The following TTF2 variants were observed in gnomAD, a reference collection of about 807,000 sequenced individuals.
TTF2 encodes transcription termination factor 2.
In TTF2, 108 loss-of-function variants were observed where a neutral mutation model predicts 142.4. The observed-to-expected ratio is 0.76, with a 90% CI of 0.65 to 0.89. The LOEUF (loss-of-function observed/expected upper bound fraction) is 0.89, where lower values mean the gene tolerates loss of function less well. Ranked by LOEUF, TTF2 falls within the 40% of genes least tolerant of loss-of-function variation. TTF2 has a pLI of 0.00. For synonymous variants in TTF2, 483 were observed against 506.2 expected (o/e 0.95, Z 0.61); for missense variants, 1,327 against 1,379.8 (o/e 0.96, Z 0.61).
chr1:117,061,163 G>A (rs1170508833), intron 2 of TTF2, among the ~76,000 whole-genome samples: 4 of 152,222 alleles, frequency 2.6e-5, no homozygotes, highest in Non-Finnish European at 5.9e-5. Context: ...GCGAAGGCGA[G>A]CGAATCGCTT....
In TTF2 at chr1:117,105,548, C is replaced by T. The variant is rs1649876671; in HGVS notation, c.*4024C>T. On this transcript the variant is annotated 3_prime_UTR_variant, in exon 23 of 23. Transcript: ENST00000369466. The surrounding 1 kb of genome is among the most constrained non-coding windows in gnomAD (Gnocchi z 4.7). The stretch of plus-strand genomic sequence containing the variant: ...ACTGGCCAACATGGCAAAACCTCCT[C>T]TCTACTAAAAATACAAAAGTTAGCC... 6.6e-6 allele frequency: 1 copy of T among 152,184 alleles called. No individual in the cohort carries two copies. Among genetic ancestry groups the T allele is most frequent in the Admixed American group, 6.6e-5 (1 of 15,264 alleles). 9.4% of individuals were successfully genotyped at this position (152,184 alleles called of 1,614,324 possible).
intron 3 of TTF2, among the ~76,000 whole-genome samples, chr1:117,067,841 A>G (rs533617876): frequency 6.6e-6 from 1 of 152,362 alleles, no homozygotes; most frequent in African/African-American, 2.4e-5. Flanking sequence ...GTTTGGCTGA[A>G]TGTAGTCAGG....
chr1:117,096,346 A>G, intron 20 of TTF2, 47 bp downstream of exon 20: 1 of 1,579,468 alleles, frequency 6.3e-7, no homozygotes, highest in Non-Finnish European at 8.6e-7. Context: ...GTTCTGAGTT[A>G]TACAAAGAGA....
chr1:117,072,712 C>T (rs1026237562), intron 3 of TTF2, among the ~76,000 whole-genome samples: 10 of 152,018 alleles, frequency 6.6e-5, no homozygotes, highest in South Asian at 4.1e-4. Flanking sequence ...TGTGAGCCAC[C>T]GCACCCGGCC....
At chr1:117,096,480 C>T (rs775112757) in intron 20 of TTF2, among the ~76,000 whole-genome samples, 181 bp downstream of exon 20, 8 of 152,188 alleles carry the variant, frequency 5.3e-5, no homozygotes, top group South Asian at 2.1e-4. Flanking sequence ...CGGGTTCAAG[C>T]GATTCTCCTG....
At position 117,070,522 on chromosome 1, in the gene TTF2, C is replaced by T. The variant is rs1656493166; in HGVS notation, c.219-3139C>T. Among the ~76,000 whole-genome samples, 1 of 152,166 alleles carries T rather than the reference C, an allele frequency of 6.6e-6. No homozygotes were observed. Among genetic ancestry groups the T allele is most frequent in the African/African-American group, 2.4e-5 (1 of 41,432 alleles). On this transcript the variant is annotated intron_variant, in intron 3 of 22. Coordinates refer to ENST00000369466, the MANE Select transcript of TTF2 (RefSeq NM_003594.4). The surrounding 1 kb of genome is among the most constrained non-coding windows in gnomAD (Gnocchi z 4.2). ...TGTTGACTGAAACATCATCATGCAG[C>T]ACGGGACTGTACTTATGAAATATTC...
chr1:117,092,702 G>T lies in TTF2; in HGVS notation c.2806-29G>T. On this transcript the variant is annotated intron_variant, in intron 17 of 22. Transcript: ENST00000369466. The surrounding 1 kb of genome is among the most constrained non-coding windows in gnomAD (Gnocchi z 4.4). ...ACAAGGTTTGCTCCCTTGACTCCCA[G>T]CTGCTCCTGTCCTTTTTTGTCTGTT... 1 of 1,601,146 alleles carries T rather than the reference G, an allele frequency of 6.2e-7. No homozygotes were observed. The highest frequency in any genetic ancestry group is 8.5e-7 in the Non-Finnish European group (1 of 1,172,894).
In TTF2 at chr1:117,060,341, A is replaced by G. The variant is rs1340179366; in HGVS notation, c.-6A>G. 1 of 1,595,716 alleles carries G rather than the reference A, an allele frequency of 6.3e-7. No homozygotes were observed. The highest frequency in any genetic ancestry group is 8.5e-7 in the Non-Finnish European group (1 of 1,171,270). On this transcript the variant is annotated 5_prime_UTR_variant, in exon 1 of 23. Transcript: ENST00000369466. ...GGGCTTTGTGGAACTTGGGGGACCCAGCGAAATGGAAGAAGTTAGGTGTCC... is the reference window on the plus strand; with the variant it reads ...GGGCTTTGTGGAACTTGGGGGACCCGGCGAAATGGAAGAAGTTAGGTGTCC...
Position 117,079,954 on chromosome 1 carries a change from A to G in TTF2, c.1783+305A>G, listed in dbSNP as rs1647347889. 6.6e-6 allele frequency among the ~76,000 whole-genome samples: 1 copy of G among 151,492 alleles called. No homozygotes were observed. The highest frequency in any genetic ancestry group is 2.4e-5 in the African/African-American group (1 of 41,186). ...ATACGGAGTGCCAGGCTCGAGGCCA[A>G]TTTCAGGAGCCATGGCTAGAGCCAA... is the stretch of plus-strand genomic sequence containing the variant. On this transcript the variant is annotated intron_variant, in intron 9 of 22. Transcript: ENST00000369466. This position sits in a 1 kb window ranked among gnomAD's most constrained non-coding sequence, Gnocchi z 4.2.
Position 117,092,866 on chromosome 1 carries a change from A to T in TTF2, c.2941A>T (p.Met981Leu). Residue 981 changes from methionine to leucine, a missense_variant, in exon 18 of 23, where the codon ATG becomes TTG. By Grantham distance (15) the Met-to-Leu change is conservative. Coordinates refer to ENST00000369466, the MANE Select transcript of TTF2 (RefSeq NM_003594.4). This position sits in a 1 kb window ranked among gnomAD's most constrained non-coding sequence, Gnocchi z 4.4. ...TTCCCTTAACGGCACCTTCTTCAAG[A>T]TGGAGCTTTTTGAAGGCATGCGAGA... ...TVSLNGTFFK[M>L]ELFEGMREST... 6.2e-7 allele frequency: 1 copy of T among 1,614,144 alleles called. No individual in the cohort carries two copies. The highest frequency in any genetic ancestry group is 8.5e-7 in the Non-Finnish European group (1 of 1,180,030).
In TTF2 at chr1:117,102,681, ATT is replaced by A. The variant is rs1458279636; in HGVS notation, c.*1158_*1159del. On this transcript the variant is annotated 3_prime_UTR_variant, in exon 23 of 23. Coordinates refer to ENST00000369466, the MANE Select transcript of TTF2 (RefSeq NM_003594.4). The stretch of plus-strand genomic sequence containing the variant: ...TGCAGTATTTGTAGCATTTAGTATC[ATT>A]GTTTCATTTAGTATTTGGTACAATC... 1.3e-5 allele frequency: 2 copies of A among 152,092 alleles called. No homozygotes were observed. Among genetic ancestry groups the A allele is most frequent in the African/African-American group, 4.8e-5 (2 of 41,398 alleles). 9.4% of individuals were successfully genotyped at this position (152,092 alleles called of 1,614,324 possible). A position where few individuals can be genotyped will look rare whatever the true frequency, so the allele number is the denominator to read the frequency against.
At chr1:117,074,709 A>G (rs1656847290) in intron 4 of TTF2, among the ~76,000 whole-genome samples, 161 bp from the exon 5 acceptor site, 1 of 151,160 alleles carries the variant, frequency 6.6e-6, no homozygotes, top group Admixed American at 6.6e-5. Flanking sequence ...GAAACTATCT[A>G]TTGGGCACTA....
chr1:117,097,475 A>G lies in TTF2; in HGVS notation c.3269+42A>G, dbSNP rs1357420055. ...TGTCCTGGGTTGTCACAGCACATCAAGGAGGCCAGTGGGCTACAGGGGCAG... is the reference window on the plus strand; with the variant it reads ...TGTCCTGGGTTGTCACAGCACATCAGGGAGGCCAGTGGGCTACAGGGGCAG... On this transcript the variant is annotated intron_variant, in intron 21 of 22. Transcript: ENST00000369466. This position sits in a 1 kb window ranked among gnomAD's most constrained non-coding sequence, Gnocchi z 4.1. 1.3e-6 allele frequency: 2 copies of G among 1,589,922 alleles called. No individual in the cohort carries two copies. The highest frequency in any genetic ancestry group is 1.3e-5 in the African/African-American group (1 of 74,394).
chr1:117,093,076 A>C lies in TTF2; in HGVS notation c.2976+175A>C, dbSNP rs560641122. Among the ~76,000 whole-genome samples, 1 of 152,212 alleles carries C rather than the reference A, an allele frequency of 6.6e-6. No homozygotes were observed. Among genetic ancestry groups the C allele is most frequent in the East Asian group, 1.9e-4 (1 of 5,196 alleles). ...TCTTAAAGCTTCATTTATTTCACAG[A>C]TAACACTAAAGCCTTACTACATAGG... On this transcript the variant is annotated intron_variant, in intron 18 of 22. Transcript: ENST00000369466. This position sits in a 1 kb window ranked among gnomAD's most constrained non-coding sequence, Gnocchi z 4.5.
chr1:117,060,749 T>A (rs1360290711), intron 2 of TTF2, among the ~76,000 whole-genome samples, 192 bp downstream of exon 2: 1 of 152,220 alleles, frequency 6.6e-6, no homozygotes, highest in African/African-American at 2.4e-5. Flanking sequence ...TAATTCTGGC[T>A]GTGTGACCCG....
chr1:117,097,319 G>A lies in TTF2; in HGVS notation c.3187-32G>A, dbSNP rs778078110. On this transcript the variant is annotated intron_variant, in intron 20 of 22. Transcript: ENST00000369466. This position sits in a 1 kb window ranked among gnomAD's most constrained non-coding sequence, Gnocchi z 4.1. ...CGAGATGTGTTACGAGACCAAGTCT[G>A]TTTAAAGTTAATGTTGTGTTTCCTT... The A allele has an allele frequency of 6.2e-7, 1 of 1,605,834 alleles. No individual in the cohort carries two copies.
rs1030052278 is a variant in TTF2, at chr1:117,060,625, C to G, written c.131+68C>G. On this transcript the variant is annotated intron_variant, in intron 2 of 22. Transcript: ENST00000369466. The stretch of plus-strand genomic sequence containing the variant: ...CCTCCCGAGAGGAGCTTCCCGCTCC[C>G]CGCTGTCGGGCGTCACAGGGCCGAG... 27 of 1,483,754 alleles carry G rather than the reference C, an allele frequency of 1.8e-5. No homozygotes were observed. The African/African-American group carries it at 3.4e-4, about 18-fold the overall frequency. The allele number at this position is 1,483,754 out of a possible 1,614,324, so 91.9% of individuals were successfully genotyped here. A position where few individuals can be genotyped will look rare whatever the true frequency, so the allele number is the denominator to read the frequency against.
At position 117,092,032 on chromosome 1, in the gene TTF2, A is replaced by AGG. The variant is rs1648645878; in HGVS notation, c.2805+82_2805+83insGG. ...GTCAATTTCACTCTCCTCCAACTGG[A>AGG]ATCCAGTCTGCTTGATCAAAGGAAA... On this transcript the variant is annotated intron_variant, in intron 17 of 22. Coordinates refer to ENST00000369466, the MANE Select transcript of TTF2 (RefSeq NM_003594.4). The surrounding 1 kb of genome is among the most constrained non-coding windows in gnomAD (Gnocchi z 4.4). 2.1e-6 allele frequency: 3 copies of AGG among 1,412,136 alleles called. No homozygotes were observed. The East Asian group carries it at 7.3e-5, about 34-fold the overall frequency. The allele number at this position is 1,412,136 out of a possible 1,614,324, so 87.5% of individuals were successfully genotyped here.
chr1:117,095,635 G>A (rs1649059222), intron 19 of TTF2, among the ~76,000 whole-genome samples: 1 of 152,246 alleles, frequency 6.6e-6, no homozygotes, highest in Admixed American at 6.5e-5. Context: ...GGAGGCTCCA[G>A]CAGTGCTGAT....
Sources: gnomAD v4.1 joint callset for allele counts (sites outside exome capture counted in the v4.1 genomes callset) on GRCh38, gnomAD v4.1.1 for gene constraint, Gnocchi (gnomAD v3.1) non-coding constraint, MANE v1.5 for transcripts, NCBI Gene and HGNC (gene_info 2026-07-23, HGNC 2026-07-21) for gene names.